The following PTPRN2 variants were observed in gnomAD, a reference collection of about 807,000 sequenced individuals.
PTPRN2 encodes receptor-type tyrosine-protein phosphatase N2.
A neutral mutation model predicts 118.8 loss-of-function variants in PTPRN2; 74 were observed. The observed-to-expected ratio is 0.62, with a 90% confidence interval of 0.52 to 0.76. The LOEUF (loss-of-function observed/expected upper bound fraction) is 0.76, where lower values mean the gene tolerates loss of function less well. Ranked by LOEUF, PTPRN2 falls within the 30% of genes least tolerant of loss-of-function variation. PTPRN2 has a pLI of 0.00. For synonymous variants in PTPRN2, 641 were observed against 608.0 expected (o/e 1.05, Z -0.80); for missense variants, 1,481 against 1,394.4 (o/e 1.06, Z -0.99).
At chr7:158,332,952 A>G (rs1204885039) in intron 2 of PTPRN2, among the ~76,000 whole-genome samples, 135 of 144,990 alleles carry the variant, frequency 9.3e-4, no homozygotes, top group African/African-American at 3.6e-3. Flanking sequence ...CATCACTCAC[A>G]CCCACAGTCT....
At chr7:158,174,160 T>A (rs1192335559) in intron 5 of PTPRN2, among the ~76,000 whole-genome samples, 1 of 152,182 alleles carries the variant, frequency 6.6e-6, no homozygotes, top group Admixed American at 6.5e-5. Context: ...CATAAGAAAT[T>A]ATGAAAGTAC....
chr7:158,077,661 GC>G (rs1812481769), intron 11 of PTPRN2, among the ~76,000 whole-genome samples: 1 of 152,110 alleles, frequency 6.6e-6, no homozygotes. Context: ...GAAGGAAACG[GC>G]CGAGCATGGG....
rs529323234 is a variant in PTPRN2, at chr7:158,170,312, G to A, written c.550-3021C>T. Among the ~76,000 whole-genome samples, 18 of 152,206 alleles carry A rather than the reference G, an allele frequency of 1.2e-4. 1 individual carries two copies. In the East Asian group the frequency reaches 2.1e-3, roughly 18 times the overall value. ...ACCGTGCTGGGGGGTGGGGATCTGC[G>A]TCCAAATCCCTCGTTATGTGCCTGC... On this transcript the variant is annotated intron_variant, in intron 5 of 22. Coordinates refer to ENST00000389418, the MANE Select transcript of PTPRN2 (RefSeq NM_002847.5).
chr7:157,588,065 CAGGGCCCTGGCTTT>C (rs994246042), intron 17 of PTPRN2, among the ~76,000 whole-genome samples: 2 of 152,204 alleles, frequency 1.3e-5, no homozygotes, highest in African/African-American at 4.8e-5. Context: ...GCCTGGGCTC[CAGGGCCCTGGCTTT>C]CCATGTCACA....
chr7:157,867,719 A>G (rs1263797773), intron 12 of PTPRN2, among the ~76,000 whole-genome samples: 2 of 152,248 alleles, frequency 1.3e-5, no homozygotes, highest in Non-Finnish European at 2.9e-5. Flanking sequence ...GAACAGATGG[A>G]AAGACTGGAA....
At chr7:158,110,968 G>A in intron 9 of PTPRN2, 53 bp from the exon 10 acceptor site, 5 of 1,456,378 alleles carry the variant, frequency 3.4e-6, no homozygotes, top group Admixed American at 2.0e-5. Flanking sequence ...AGCAGTCCTG[G>A]AGAACTAAAG....
chr7:157,549,758 G>A (rs755834856), intron 21 of PTPRN2, among the ~76,000 whole-genome samples: 10 of 152,196 alleles, frequency 6.6e-5, no homozygotes, highest in Admixed American at 2.6e-4. Context: ...CCTCTCCAGC[G>A]TGTTGCAGTT....
chr7:157,805,523 CA>C (rs1317286108), intron 12 of PTPRN2, among the ~76,000 whole-genome samples: 1 of 151,968 alleles, frequency 6.6e-6, no homozygotes, highest in East Asian at 1.9e-4. Context: ...AAATGAGCAC[CA>C]GGGGTGAAAA....
chr7:157,952,557 C>G (rs984366923), intron 11 of PTPRN2, among the ~76,000 whole-genome samples: 2 of 152,090 alleles, frequency 1.3e-5, no homozygotes, highest in African/African-American at 4.8e-5. Context: ...CCCTGAGCAG[C>G]CCCTCCCCTG....
intron 11 of PTPRN2, among the ~76,000 whole-genome samples, chr7:158,068,844 A>G (rs547998420): frequency 1.2e-4 from 18 of 152,344 alleles, no homozygotes; most frequent in African/African-American, 4.1e-4. Context: ...TTTCTCATGG[A>G]TTACAACTGT....
chr7:157,645,921 C>T (rs143475965), intron 14 of PTPRN2, among the ~76,000 whole-genome samples: 2 of 152,314 alleles, frequency 1.3e-5, no homozygotes, highest in African/African-American at 2.4e-5. Flanking sequence ...ACAAAGAAAA[C>T]CACGAGTTTA....
At chr7:158,092,074 T>TTGGG (rs1814222644) in intron 10 of PTPRN2, among the ~76,000 whole-genome samples, 1 of 128,700 alleles carries the variant, frequency 7.8e-6, no homozygotes, top group Non-Finnish European at 1.7e-5. Context: ...AGAGAGATGG[T>TTGGG]TGGGTGGGTG....
chr7:157,939,508 A>G (rs1233390398), intron 11 of PTPRN2, among the ~76,000 whole-genome samples: 1 of 152,272 alleles, frequency 6.6e-6, no homozygotes, highest in Non-Finnish European at 1.5e-5. Context: ...GAGCTCACCA[A>G]GTGCCAGGAT....
intron 1 of PTPRN2, among the ~76,000 whole-genome samples, chr7:158,545,402 T>C (rs1296619493): frequency 6.6e-6 from 1 of 152,222 alleles, no homozygotes; most frequent in Admixed American, 6.5e-5. Flanking sequence ...CTGTTTCTTA[T>C]TCCTGTTACC....
In PTPRN2 at chr7:158,554,479, G is replaced by T. The variant is rs147328782; in HGVS notation, c.112+33079C>A. On this transcript the variant is annotated intron_variant, in intron 1 of 22. Coordinates refer to ENST00000389418, the MANE Select transcript of PTPRN2 (RefSeq NM_002847.5). Reference sequence around the variant, plus strand: ...TCTGTCTATCTGCCATCTATCATCTGTCTCATATTGCTTTATCTGTGTTCT... The same window carrying T: ...TCTGTCTATCTGCCATCTATCATCTTTCTCATATTGCTTTATCTGTGTTCT... Among the ~76,000 whole-genome samples, 252 of 152,046 alleles carry T rather than the reference G, an allele frequency of 1.7e-3. 6 individuals are homozygous for T. In the East Asian group the frequency reaches 0.039, roughly 24 times the overall value.
At chr7:158,524,980 G>C (rs942975857) in intron 1 of PTPRN2, among the ~76,000 whole-genome samples, 2 of 152,162 alleles carry the variant, frequency 1.3e-5, no homozygotes, top group African/African-American at 4.8e-5. Flanking sequence ...AACACCACCT[G>C]TGCCAGCATC....
intron 2 of PTPRN2, among the ~76,000 whole-genome samples, chr7:158,394,468 G>A (rs1812176430): frequency 6.6e-6 from 1 of 152,238 alleles, no homozygotes; most frequent in African/African-American, 2.4e-5. Context: ...CTCACCAGGA[G>A]TGACCCAGGT....
chr7:158,339,931 TAA>T (rs1289836904), intron 2 of PTPRN2, among the ~76,000 whole-genome samples: 1 of 102,236 alleles, frequency 9.8e-6, no homozygotes, highest in Non-Finnish European at 2.1e-5. Context: ...ACTCTCACCA[TAA>T]GAGCTGTCGC....
Position 158,094,922 on chromosome 7 carries a change from T to C in PTPRN2, c.1644-13545A>G, listed in dbSNP as rs569352358. ...GTTTCTTGTTTTACTTTTGTTTCTC[T>C]GGACACGCAGGCTGCTAACTCCCGA... On this transcript the variant is annotated intron_variant, in intron 10 of 22. Coordinates refer to ENST00000389418, the MANE Select transcript of PTPRN2 (RefSeq NM_002847.5). Among the ~76,000 whole-genome samples the C allele has an allele frequency of 6.3e-4, 96 of 152,298 alleles. 1 individual carries two copies. Among genetic ancestry groups the C allele is most frequent in the African/African-American group, 2.3e-3 (96 of 41,562 alleles).
Sources: gnomAD v4.1 joint callset for allele counts (sites outside exome capture counted in the v4.1 genomes callset) on GRCh38, gnomAD v4.1.1 for gene constraint, MANE v1.5 for transcripts, NCBI Gene and HGNC (gene_info 2026-07-23, HGNC 2026-07-21) for gene names.